Variants in SLC35F3 observed in about 807,000 individuals in gnomAD.
SLC35F3 encodes putative thiamine transporter SLC35F3.
SLC35F3 carries 25 observed loss-of-function variants against 49.9 expected under a neutral mutation model. The observed-to-expected ratio is 0.50, with a 90% CI of 0.37 to 0.70. The LOEUF is 0.70. SLC35F3 is among the 30% of genes least tolerant of loss of function. The pLI is 0.00. For missense variants in SLC35F3, 525 were observed against 639.8 expected (o/e 0.82, Z 1.94); for synonymous variants, 275 against 265.4 (o/e 1.04, Z -0.35).
At chr1:233,980,399 G>A (rs933856062) in intron 2 of SLC35F3, among the ~76,000 whole-genome samples, 1 of 152,192 alleles carries the variant, frequency 6.6e-6, no homozygotes, top group Admixed American at 6.5e-5. Context: ...GTGCCCACCT[G>A]GGACTTGGCC....
intron 2 of SLC35F3, among the ~76,000 whole-genome samples, chr1:234,102,503 T>C (rs1003150173): frequency 2.0e-5 from 3 of 152,240 alleles, no homozygotes; most frequent in African/African-American, 7.2e-5. Context: ...TTTCAGTATC[T>C]GTGCTTTCTT....
At chr1:234,310,274 C>G (rs893097962) in intron 4 of SLC35F3, among the ~76,000 whole-genome samples, 2 of 152,112 alleles carry the variant, frequency 1.3e-5, no homozygotes, top group Non-Finnish European at 2.9e-5. Flanking sequence ...AGGGGCAGTC[C>G]CATGAAAGTA....
chr1:233,941,949 T>A (rs1054146825), intron 2 of SLC35F3, among the ~76,000 whole-genome samples: 139 of 109,440 alleles, frequency 1.3e-3, no homozygotes, highest in African/African-American at 4.7e-3. Flanking sequence ...TTGGGGTTGT[T>A]TTTTGTTTTT....
chr1:234,314,259 T>C (rs533100641), intron 4 of SLC35F3, among the ~76,000 whole-genome samples: 1 of 147,792 alleles, frequency 6.8e-6, no homozygotes, highest in South Asian at 2.1e-4. Flanking sequence ...TGCTCTCATT[T>C]CCTACCCCCT....
At chr1:234,167,920 G>A (rs1242818921) in intron 2 of SLC35F3, among the ~76,000 whole-genome samples, 7 of 152,316 alleles carry the variant, frequency 4.6e-5, no homozygotes, top group South Asian at 2.1e-4. Context: ...TGGAATAAGC[G>A]AGATTGTGAA....
intron 2 of SLC35F3, among the ~76,000 whole-genome samples, chr1:234,227,109 G>T (rs913875094): frequency 1.3e-5 from 2 of 152,160 alleles, no homozygotes; most frequent in Non-Finnish European, 1.5e-5. Context: ...GGAGATGTTT[G>T]AATCCACAAT....
At chr1:234,013,470 G>A (rs1663755128) in intron 2 of SLC35F3, among the ~76,000 whole-genome samples, 1 of 150,606 alleles carries the variant, frequency 6.6e-6, no homozygotes. Context: ...TTAGGAGAAG[G>A]AAGGAAATAA....
chr1:233,970,746 C>T (rs889445012), intron 2 of SLC35F3, among the ~76,000 whole-genome samples: 11 of 152,272 alleles, frequency 7.2e-5, no homozygotes, highest in South Asian at 2.1e-4. Context: ...AGAGAGAAGA[C>T]GGCCATCTGC....
chr1:234,191,629 C>CA (rs923805164), intron 2 of SLC35F3, among the ~76,000 whole-genome samples: 75 of 127,858 alleles, frequency 5.9e-4, no homozygotes, highest in Non-Finnish European at 7.4e-4. Context: ...GAAACAACAA[C>CA]AAAAAAAAAT....
At chr1:233,931,558 GT>G (rs1662243041) in intron 2 of SLC35F3, among the ~76,000 whole-genome samples, 1 of 152,164 alleles carries the variant, frequency 6.6e-6, no homozygotes, top group Non-Finnish European at 1.5e-5. Context: ...ATCATCACTG[GT>G]CATTAGAGAA....
At position 234,036,983 on chromosome 1, in the gene SLC35F3, G is replaced by T. The variant is rs189527079; in HGVS notation, c.283+131225G>T. On this transcript the variant is annotated intron_variant, in intron 2 of 7. Coordinates refer to ENST00000366618, the MANE Select transcript of SLC35F3 (RefSeq NM_173508.4). ...TCTTGGACACAATCTATAGAAAATG[G>T]TTTAGAGTCTAAGGACTCATTAACT... Among the ~76,000 whole-genome samples the T allele has an allele frequency of 4.4e-4, 67 of 152,246 alleles. No individual in the cohort carries two copies. The East Asian group carries it at 4.6e-3, about 11-fold the overall frequency.
intron 2 of SLC35F3, among the ~76,000 whole-genome samples, chr1:234,197,966 A>C (rs1666840382): frequency 6.6e-6 from 1 of 152,262 alleles, no homozygotes; most frequent in African/African-American, 2.4e-5. Flanking sequence ...TAAGCTACAC[A>C]AACTCTGGTC....
intron 3 of SLC35F3, among the ~76,000 whole-genome samples, chr1:234,269,712 G>A (rs1668067755): frequency 6.6e-6 from 1 of 152,208 alleles, no homozygotes; most frequent in Non-Finnish European, 1.5e-5. Flanking sequence ...TCTGGGTTGT[G>A]TGAGTTGTCA....
intron 2 of SLC35F3, among the ~76,000 whole-genome samples, chr1:234,114,306 T>C (rs1258195224): frequency 2.0e-5 from 3 of 152,254 alleles, no homozygotes; most frequent in African/African-American, 7.2e-5. Flanking sequence ...GAAATTGTTA[T>C]GAAAAGCTCC....
intron 2 of SLC35F3, among the ~76,000 whole-genome samples, chr1:234,170,277 G>C (rs776205764): frequency 6.6e-6 from 1 of 152,148 alleles, no homozygotes; most frequent in Admixed American, 6.5e-5. Flanking sequence ...TATAGAGGGG[G>C]GCACGGCAGC....
intron 3 of SLC35F3, among the ~76,000 whole-genome samples, chr1:234,244,598 AAAG>A (rs1303887847): frequency 1.3e-5 from 2 of 152,144 alleles, no homozygotes; most frequent in African/African-American, 4.8e-5. Flanking sequence ...AGTTTTAGAA[AAAG>A]AAGTGCTTGA....
At chr1:234,006,743 G>A (rs1237773055) in intron 2 of SLC35F3, among the ~76,000 whole-genome samples, 1 of 152,206 alleles carries the variant, frequency 6.6e-6, no homozygotes, top group Non-Finnish European at 1.5e-5. Context: ...GAAGAGATGA[G>A]AGCTGGGTAC....
At chr1:234,224,812 C>A (rs1384009436) in intron 2 of SLC35F3, among the ~76,000 whole-genome samples, 1 of 152,194 alleles carries the variant, frequency 6.6e-6, no homozygotes, top group Non-Finnish European at 1.5e-5. Flanking sequence ...CTGATCTCCA[C>A]CATCATGATG....
At chr1:234,031,542 C>T (rs910235248) in intron 2 of SLC35F3, among the ~76,000 whole-genome samples, 1 of 152,144 alleles carries the variant, frequency 6.6e-6, no homozygotes, top group Admixed American at 6.5e-5. Flanking sequence ...CTGAGTGTAA[C>T]TCCTTTTTGG....
Sources: allele counts gnomAD v4.1 joint callset (sites outside exome capture counted in the v4.1 genomes callset), GRCh38; gene constraint gnomAD v4.1.1; transcripts MANE v1.5; gene names NCBI Gene and HGNC (gene_info 2026-07-23, HGNC 2026-07-21).